The following NRG3 variants were observed in gnomAD, a reference collection of about 807,000 sequenced individuals.
NRG3 encodes the protein neuregulin 3, also known as pro-neuregulin-3, membrane-bound isoform.
NRG3 carries 31 observed loss-of-function variants against 66.9 expected under a neutral mutation model. The ratio of observed to expected loss-of-function variants is 0.46; its 90% CI spans 0.35 to 0.63. NRG3 has a LOEUF of 0.63. Among genes scored for constraint, NRG3 ranks in the 20% least tolerant of loss-of-function variants. The pLI, the probability that NRG3 is intolerant of heterozygous loss-of-function variation, is 0.00. For missense variants in NRG3, 910 were observed against 878.9 expected (o/e 1.04, Z -0.45); for synonymous variants, 393 against 359.4 (o/e 1.09, Z -1.06).
chr10:82,747,578 C>G (rs1459880072), intron 3 of NRG3, among the ~76,000 whole-genome samples: 1 of 151,916 alleles, frequency 6.6e-6, no homozygotes, highest in Admixed American at 6.6e-5. Context: ...CCTTGATTGC[C>G]AGCAATATTG....
At position 82,369,388 on chromosome 10, in the gene NRG3, T is replaced by C. The variant is rs1404023579; in HGVS notation, c.953+10520T>C. 1.4e-5 allele frequency among the ~76,000 whole-genome samples: 2 copies of C among 138,388 alleles called. 1 individual carries two copies. Among genetic ancestry groups the C allele is most frequent in the Non-Finnish European group, 3.0e-5 (2 of 67,488 alleles). 90.8% of individuals were successfully genotyped at this position (138,388 alleles called of 152,430 possible). A position where few individuals can be genotyped will look rare whatever the true frequency, so the allele number is the denominator to read the frequency against. ...GTCATGGCTCACTGCAGCCTTGACC[T>C]CCTGGGCTCAAGTGATCCTCCTTCC... On this transcript the variant is annotated intron_variant, in intron 2 of 8. Coordinates refer to ENST00000372141, the MANE Select transcript of NRG3 (RefSeq NM_001010848.4).
chr10:82,117,907 GC>G (rs2067826185), intron 1 of NRG3, among the ~76,000 whole-genome samples: 1 of 151,998 alleles, frequency 6.6e-6, no homozygotes, highest in Admixed American at 6.6e-5. Flanking sequence ...CTTACATTTC[GC>G]CTTCATTACT....
intron 3 of NRG3, chr10:82,827,204 TAAAAAAAAAA>T (rs5786573): frequency 0.065 from 12,427 of 192,112 alleles, 94 homozygotes; most frequent in South Asian, 0.097. Context: ...TACCAAATTG[TAAAAAAAAAA>T]AAAAAAAAAA....
At chr10:82,170,212 G>A (rs2072458997) in intron 1 of NRG3, among the ~76,000 whole-genome samples, 1 of 151,868 alleles carries the variant, frequency 6.6e-6, no homozygotes, top group East Asian at 1.9e-4. Context: ...CCTGGCCTAT[G>A]GGTTTCTGAA....
chr10:82,375,565 T>G (rs2085174666), intron 2 of NRG3, among the ~76,000 whole-genome samples: 1 of 152,056 alleles, frequency 6.6e-6, no homozygotes, highest in Admixed American at 6.5e-5. Context: ...CTGATATTTT[T>G]TATAACTAGG....
chr10:82,985,268 C>A lies in NRG3; in HGVS notation c.1754C>A (p.Thr585Asn). ...ATCCCTTCAGTGGGTTTAGAGGAAACCTGCCTGCAAATGCCAGGGATTTCT... is the reference window on the plus strand; with the variant it reads ...ATCCCTTCAGTGGGTTTAGAGGAAAACTGCCTGCAAATGCCAGGGATTTCT... The part of the protein sequence containing the change: ...PIIPSVGLEE[T>N]CLQMPGISEV... The change falls in exon 9 of 9, where the codon ACC becomes AAC. Residue 585 changes from threonine to asparagine, a missense_variant. Thr to Asn is a moderately conservative substitution (Grantham distance 65). Coordinates refer to ENST00000372141, the MANE Select transcript of NRG3 (RefSeq NM_001010848.4). The A allele has an allele frequency of 6.2e-7, 1 of 1,614,144 alleles. No individual in the cohort carries two copies. Among genetic ancestry groups the A allele is most frequent in the South Asian group, 1.1e-5 (1 of 91,082 alleles).
chr10:81,876,327 G>A (rs141218336), intron 1 of NRG3, among the ~76,000 whole-genome samples, 164 bp downstream of exon 1: 155 of 152,338 alleles, frequency 1.0e-3, no homozygotes, highest in African/African-American at 3.6e-3. Flanking sequence ...GGGGAAGAAG[G>A]TGCCAGCCTG....
chr10:82,158,121 A>G (rs954675626), intron 1 of NRG3, among the ~76,000 whole-genome samples: 1 of 151,758 alleles, frequency 6.6e-6, no homozygotes, highest in African/African-American at 2.4e-5. Flanking sequence ...TTGTTTTTCT[A>G]GAGTGGTAAC....
intron 1 of NRG3, chr10:82,233,013 A>C: frequency 3.6e-6 from 2 of 554,278 alleles, no homozygotes; most frequent in Non-Finnish European, 6.5e-6. Flanking sequence ...GGCAAGGTAG[A>C]GGAAATGTGG....
At chr10:82,137,529 C>T (rs2069459911) in intron 1 of NRG3, among the ~76,000 whole-genome samples, 2 of 152,106 alleles carry the variant, frequency 1.3e-5, no homozygotes. Context: ...CAGCTTGAGG[C>T]AGAAATTACT....
chr10:82,059,110 G>T (rs776892610), intron 1 of NRG3, among the ~76,000 whole-genome samples: 1 of 151,780 alleles, frequency 6.6e-6, no homozygotes, highest in Non-Finnish European at 1.5e-5. Context: ...GAATGAAGCC[G>T]GACAGGAACA....
At chr10:82,126,825 G>T (rs998280631) in intron 1 of NRG3, among the ~76,000 whole-genome samples, 2 of 152,020 alleles carry the variant, frequency 1.3e-5, no homozygotes, top group Non-Finnish European at 2.9e-5. Context: ...TATCATAAGT[G>T]CTAGACTACC....
chr10:82,069,191 T>C (rs1297835628), intron 1 of NRG3, among the ~76,000 whole-genome samples: 1 of 152,076 alleles, frequency 6.6e-6, no homozygotes, highest in Non-Finnish European at 1.5e-5. Context: ...AGGGTGCAGA[T>C]GGATTGGATA....
At chr10:82,729,651 C>T (rs2057790774) in intron 2 of NRG3, among the ~76,000 whole-genome samples, 1 of 152,074 alleles carries the variant, frequency 6.6e-6, no homozygotes, top group Non-Finnish European at 1.5e-5. Flanking sequence ...TCTATAAAGA[C>T]CAAATGTTTA....
intron 2 of NRG3, among the ~76,000 whole-genome samples, chr10:82,522,070 G>C (rs1846250122): frequency 7.8e-6 from 1 of 127,892 alleles, no homozygotes; most frequent in Non-Finnish European, 1.6e-5. Flanking sequence ...TTGAGACAGA[G>C]TCTCTCTCTT....
chr10:82,742,140 A>G (rs948865187), intron 3 of NRG3, among the ~76,000 whole-genome samples: 1 of 151,950 alleles, frequency 6.6e-6, no homozygotes, highest in African/African-American at 2.4e-5. Context: ...TGTCCAGTGC[A>G]TACTTTTGCT....
At chr10:82,521,532 G>A (rs958701709) in intron 2 of NRG3, among the ~76,000 whole-genome samples, 2 of 152,054 alleles carry the variant, frequency 1.3e-5, no homozygotes, top group African/African-American at 4.8e-5. Context: ...AGTAGAGAAG[G>A]GGTTTCACCG....
At chr10:82,449,574 T>C (rs2090917872) in intron 2 of NRG3, among the ~76,000 whole-genome samples, 1 of 152,226 alleles carries the variant, frequency 6.6e-6, no homozygotes. Context: ...AAGTCTATGA[T>C]GAGTCAATCT....
chr10:82,213,663 G>A (rs1244098980), intron 1 of NRG3, among the ~76,000 whole-genome samples: 3 of 152,138 alleles, frequency 2.0e-5, no homozygotes, highest in Non-Finnish European at 4.4e-5. Context: ...ATGTGTTTAT[G>A]TTTACTGTGT....
Sources: gnomAD v4.1 joint callset for allele counts (sites outside exome capture counted in the v4.1 genomes callset) on GRCh38, gnomAD v4.1.1 for gene constraint, MANE v1.5 for transcripts, NCBI Gene and HGNC (gene_info 2026-07-23, HGNC 2026-07-21) for gene names.